Variants in ACBD6 observed in about 807,000 individuals in gnomAD.
ACBD6 encodes the protein acyl-CoA-binding domain-containing protein 6.
Under a neutral mutation model 37.2 loss-of-function variants are expected in ACBD6, and 28 were observed. That is an observed-to-expected ratio of 0.75 (90% CI 0.56 to 1.03). The LOEUF is 1.03. Ranked by LOEUF, ACBD6 falls within the 50% of genes least tolerant of loss-of-function variation. The pLI, the probability that ACBD6 is intolerant of heterozygous loss-of-function variation, is 0.00. For missense variants in ACBD6, 340 were observed against 337.4 expected (o/e 1.01, Z -0.06); for synonymous variants, 113 against 126.8 (o/e 0.89, Z 0.73).
At chr1:180,490,295 A>G (rs1651442641) in intron 3 of ACBD6, among the ~76,000 whole-genome samples, 2 of 152,200 alleles carry the variant, frequency 1.3e-5, no homozygotes, top group Non-Finnish European at 2.9e-5. Context: ...TTGTATGCAT[A>G]TTTGGTGTCT....
intron 3 of ACBD6, among the ~76,000 whole-genome samples, chr1:180,479,701 G>C (rs942605409): frequency 6.6e-6 from 1 of 152,076 alleles, no homozygotes; most frequent in Admixed American, 6.6e-5. Flanking sequence ...TATATTTGTA[G>C]GAAAATACAA....
chr1:180,415,441 T>A (rs1160395665), intron 4 of ACBD6, among the ~76,000 whole-genome samples: 1 of 151,492 alleles, frequency 6.6e-6, no homozygotes, highest in African/African-American at 2.4e-5. Context: ...ACCATGTCTA[T>A]GAAAGAATAC....
chr1:180,385,654 A>T (rs1653820307), intron 6 of ACBD6, among the ~76,000 whole-genome samples: 1 of 152,016 alleles, frequency 6.6e-6, no homozygotes, highest in Non-Finnish European at 1.5e-5. Context: ...ATCTCTCCAT[A>T]TATGAGCACA....
intron 6 of ACBD6, among the ~76,000 whole-genome samples, chr1:180,365,631 A>C (rs530593369): frequency 6.6e-6 from 1 of 152,262 alleles, no homozygotes; most frequent in Non-Finnish European, 1.5e-5. Flanking sequence ...TTATATTCCT[A>C]TTACTGTAAT....
intron 6 of ACBD6, among the ~76,000 whole-genome samples, chr1:180,360,467 A>G (rs1652803575): frequency 6.6e-6 from 1 of 152,180 alleles, no homozygotes; most frequent in South Asian, 2.1e-4. Flanking sequence ...AGCAGTATCA[A>G]TTTCACCTGG....
chr1:180,363,946 G>A (rs745575895), intron 6 of ACBD6, among the ~76,000 whole-genome samples: 20 of 152,130 alleles, frequency 1.3e-4, no homozygotes, highest in Non-Finnish European at 2.9e-4. Context: ...GGATTAAGTC[G>A]GCAAGTACTA....
chr1:180,337,653 G>A (rs1651796743), intron 6 of ACBD6, among the ~76,000 whole-genome samples: 1 of 152,178 alleles, frequency 6.6e-6, no homozygotes, highest in East Asian at 1.9e-4. Context: ...GTTCTGGCCA[G>A]GGCAATCAGG....
intron 7 of ACBD6, among the ~76,000 whole-genome samples, chr1:180,301,767 T>A (rs935830695): frequency 1.3e-5 from 2 of 152,032 alleles, no homozygotes; most frequent in African/African-American, 4.8e-5. Flanking sequence ...TAATACACAA[T>A]TTACTGGAGG....
chr1:180,495,661 AACATTCTTTG>A lies in ACBD6; in HGVS notation c.223-146_223-137del, dbSNP rs1651705569. 20 of 648,004 alleles carry A rather than the reference AACATTCTTTG, an allele frequency of 3.1e-5. 1 individual carries two copies. In the South Asian group the frequency reaches 3.9e-4, roughly 13 times the overall value. 40.1% of individuals were successfully genotyped at this position (648,004 alleles called of 1,614,324 possible). On this transcript the variant is annotated intron_variant, in intron 1 of 7. Coordinates refer to ENST00000367595, the MANE Select transcript of ACBD6 (RefSeq NM_032360.4). ...GCATCTATATGGAATAGCAAAATTT[AACATTCTTTG>A]CCAAAGCAAACAAAAACAATCAAAC...
At chr1:180,345,738 C>G (rs531120571) in intron 6 of ACBD6, among the ~76,000 whole-genome samples, 17 of 151,960 alleles carry the variant, frequency 1.1e-4, no homozygotes, top group Non-Finnish European at 1.6e-4. Context: ...TGTTTTTATA[C>G]TAAGATCTAA....
chr1:180,297,143 AAGT>A (rs983322648), intron 7 of ACBD6, among the ~76,000 whole-genome samples: 1 of 152,104 alleles, frequency 6.6e-6, no homozygotes, highest in Non-Finnish European at 1.5e-5. Flanking sequence ...GGTAAAGATA[AAGT>A]AGTTTCTCTG....
At chr1:180,408,010 G>A (rs1647695994) in intron 5 of ACBD6, among the ~76,000 whole-genome samples, 1 of 152,120 alleles carries the variant, frequency 6.6e-6, no homozygotes, top group African/African-American at 2.4e-5. Flanking sequence ...TATACAGACT[G>A]TCTCAACTGA....
At chr1:180,398,446 C>T (rs927121056) in intron 5 of ACBD6, among the ~76,000 whole-genome samples, 1 of 152,114 alleles carries the variant, frequency 6.6e-6, no homozygotes, top group Non-Finnish European at 1.5e-5. Flanking sequence ...TGAAAATAAG[C>T]ATTTCTCCTT....
chr1:180,369,381 G>A (rs181677537), intron 6 of ACBD6, among the ~76,000 whole-genome samples: 2 of 152,328 alleles, frequency 1.3e-5, no homozygotes, highest in East Asian at 1.9e-4. Context: ...CTGAGAGTGA[G>A]CTGGGTCATT....
intron 3 of ACBD6, among the ~76,000 whole-genome samples, chr1:180,430,650 G>A (rs1648775317): frequency 6.8e-6 from 1 of 147,192 alleles, no homozygotes; most frequent in Non-Finnish European, 1.5e-5. Flanking sequence ...TCCCAAATAA[G>A]AAGCTACATT....
chr1:180,493,822 T>C (rs886501309), intron 2 of ACBD6, among the ~76,000 whole-genome samples: 2 of 152,352 alleles, frequency 1.3e-5, no homozygotes, highest in Admixed American at 6.5e-5. Context: ...TTCCACATTG[T>C]TGGTATTTTT....
chr1:180,469,869 T>C (rs1650489441), intron 3 of ACBD6, among the ~76,000 whole-genome samples: 3 of 152,224 alleles, frequency 2.0e-5, no homozygotes, highest in African/African-American at 7.2e-5. Context: ...ATAAAATTTA[T>C]ACTTGCATTG....
chr1:180,274,894 A>G (rs1648933507), exon 10 of ACBD6: 2 of 267,206 alleles, frequency 7.5e-6, no homozygotes, highest in East Asian at 1.4e-4. Flanking sequence ...CTTTGGTAGC[A>G]CAAGGTGACT....
rs9425491 is a variant in ACBD6, at chr1:180,303,015, A to T, written c.694+11677T>A. Among the ~76,000 whole-genome samples, 88 of 151,426 alleles carry T rather than the reference A, an allele frequency of 5.8e-4. No individual in the cohort carries two copies. In the South Asian group the frequency reaches 0.01, roughly 18 times the overall value. The stretch of plus-strand genomic sequence containing the variant: ...TGCTCCTGAATGACTATTGGGTACA[A>T]AACGAAATGAAGGCAGAAATAAAGA... On this transcript the variant is annotated intron_variant, in intron 7 of 7. Coordinates refer to ENST00000367595, the MANE Select transcript of ACBD6 (RefSeq NM_032360.4).
Sources: gnomAD v4.1 joint callset for allele counts (sites outside exome capture counted in the v4.1 genomes callset) on GRCh38, gnomAD v4.1.1 for gene constraint, MANE v1.5 for transcripts, NCBI Gene and HGNC (gene_info 2026-07-23, HGNC 2026-07-21) for gene names.